The following TLN2 variants were observed in gnomAD, a reference collection of about 807,000 sequenced individuals.
TLN2 encodes the protein talin 2, also known as talin-2.
In TLN2, 118 loss-of-function variants were observed where a neutral mutation model predicts 294.7. That is an observed-to-expected ratio of 0.40 (90% CI 0.34 to 0.47). TLN2 has a LOEUF of 0.47. Ranked by LOEUF, TLN2 falls within the 20% of genes least tolerant of loss-of-function variation. The pLI is 0.84. For missense variants in TLN2, 3,083 were observed against 3,282.2 expected (o/e 0.94, Z 1.48); for synonymous variants, 1,431 against 1,304.5 (o/e 1.10, Z -2.09).
chr15:62,677,314 T>C (rs573631613), intron 11 of TLN2, among the ~76,000 whole-genome samples: 2 of 152,358 alleles, frequency 1.3e-5, no homozygotes, highest in East Asian at 3.8e-4. Context: ...CTTTGAGTAT[T>C]AAATTCATCT....
At chr15:62,748,216 C>T (rs1595870326) in intron 32 of TLN2, 135 bp from the exon 33 acceptor site, 2 of 654,848 alleles carry the variant, frequency 3.1e-6, no homozygotes, top group African/African-American at 3.6e-5. Context: ...TGTGTAGAGC[C>T]TCTGCAGAAG....
intron 1 of TLN2, among the ~76,000 whole-genome samples, chr15:62,402,642 T>C (rs2033112496): frequency 6.6e-6 from 1 of 152,228 alleles, no homozygotes; most frequent in South Asian, 2.1e-4. Flanking sequence ...CTGCATTGTC[T>C]TGCTTTTAAT....
chr15:62,697,629 C>G, intron 14 of TLN2, 59 bp from the exon 15 acceptor site: 2 of 1,536,476 alleles, frequency 1.3e-6, no homozygotes, highest in Middle Eastern at 1.7e-4. Flanking sequence ...TGTGGGGTCT[C>G]CTCATTGCAC....
chr15:62,495,370 G>A (rs569427242), intron 1 of TLN2, among the ~76,000 whole-genome samples: 50 of 152,328 alleles, frequency 3.3e-4, no homozygotes, highest in Non-Finnish European at 5.1e-4. Context: ...TGCCACTAGA[G>A]AGGGGGCAGA....
At chr15:62,779,660 C>T (rs1228550197) in intron 43 of TLN2, among the ~76,000 whole-genome samples, 1 of 152,262 alleles carries the variant, frequency 6.6e-6, no homozygotes, top group African/African-American at 2.4e-5. Context: ...CACATGCAAG[C>T]TCCTAGCATG....
At chr15:62,392,997 CT>C (rs149341642) in intron 1 of TLN2, among the ~76,000 whole-genome samples, 6,184 of 149,094 alleles carry the variant, frequency 0.041, 177 homozygotes, top group Non-Finnish European at 0.066. Context: ...ACACGAATGC[CT>C]TTTTTTTTTC....
chr15:62,734,761 G>A (rs1262032990), intron 28 of TLN2, among the ~76,000 whole-genome samples: 1 of 152,206 alleles, frequency 6.6e-6, no homozygotes, highest in Non-Finnish European at 1.5e-5. Flanking sequence ...TATCCCAGCT[G>A]TGTGATTTAC....
intron 1 of TLN2, among the ~76,000 whole-genome samples, chr15:62,519,292 G>A (rs1262454129): frequency 6.6e-6 from 1 of 152,194 alleles, no homozygotes; most frequent in African/African-American, 2.4e-5. Flanking sequence ...GGGTAGTTAA[G>A]TACCTCTCAC....
chr15:62,755,833 A>T (rs2062213413), intron 37 of TLN2, 140 bp downstream of exon 37: 1 of 1,168,668 alleles, frequency 8.6e-7, no homozygotes, highest in African/African-American at 1.6e-5. Flanking sequence ...TGTGTCACTG[A>T]ATAGGCATCC....
intron 51 of TLN2, among the ~76,000 whole-genome samples, chr15:62,807,055 G>A (rs995321079): frequency 6.6e-6 from 1 of 151,788 alleles, no homozygotes; most frequent in Non-Finnish European, 1.5e-5. Context: ...GGAGAGAAGA[G>A]GGTGTGTTGG....
At chr15:62,738,449 C>T (rs1343867572) in intron 30 of TLN2, 116 bp downstream of exon 30, 6 of 1,267,916 alleles carry the variant, frequency 4.7e-6, no homozygotes, top group Admixed American at 3.2e-5. Context: ...TTTAGGAGTC[C>T]TGTTTTTCCC....
At chr15:62,452,689 C>T (rs559233314) in intron 1 of TLN2, among the ~76,000 whole-genome samples, 2 of 152,176 alleles carry the variant, frequency 1.3e-5, no homozygotes, top group Admixed American at 1.3e-4. Flanking sequence ...TGGAATCATA[C>T]CGCATTTGTT....
chr15:62,452,580 A>T (rs1392804018), intron 1 of TLN2, among the ~76,000 whole-genome samples: 1 of 152,068 alleles, frequency 6.6e-6, no homozygotes, highest in Non-Finnish European at 1.5e-5. Context: ...GTAAAACTGA[A>T]ACTGCCCATT....
intron 45 of TLN2, among the ~76,000 whole-genome samples, chr15:62,790,035 A>C (rs894575112): frequency 6.6e-6 from 1 of 152,190 alleles, no homozygotes; most frequent in Non-Finnish European, 1.5e-5. Flanking sequence ...CTGCTGCTGC[A>C]TCTGCCTTGT....
intron 52 of TLN2, among the ~76,000 whole-genome samples, chr15:62,812,011 C>CAATA (rs59386081): frequency 0.56 from 73,209 of 130,416 alleles, 22,176 homozygotes; most frequent in East Asian, 0.66. Flanking sequence ...GACTCCATCT[C>CAATA]AATAAATAAA....
intron 7 of TLN2, among the ~76,000 whole-genome samples, chr15:62,654,148 A>T (rs184136760): frequency 1.3e-5 from 2 of 152,336 alleles, no homozygotes; most frequent in East Asian, 3.9e-4. Context: ...TCAGTGTGAT[A>T]GTGCATGTCT....
Position 62,717,170 on chromosome 15 carries a change from C to G in TLN2, c.2764-406C>G, listed in dbSNP as rs115068501. Among the ~76,000 whole-genome samples the G allele has an allele frequency of 4.0e-3, 606 of 152,266 alleles. 4 individuals are homozygous for G. The highest frequency in any genetic ancestry group is 0.014 in the African/African-American group (585 of 41,552). The stretch of plus-strand genomic sequence containing the variant: ...TCTCTGCATTTTGGAACTAAGGCTT[C>G]TGAGTGCTGAGAGAGGAGAGTCATG... On this transcript the variant is annotated intron_variant, in intron 23 of 58. Coordinates refer to ENST00000636159, the MANE Select transcript of TLN2 (RefSeq NM_015059.3).
chr15:62,840,376 A>C, intron 58 of TLN2, 106 bp from the exon 59 acceptor site: 1 of 1,482,332 alleles, frequency 6.7e-7, no homozygotes, highest in Non-Finnish European at 9.1e-7. Context: ...GATGTGCTGC[A>C]GTGTCCCACG....
At chr15:62,466,196 C>G (rs16945101) in intron 1 of TLN2, among the ~76,000 whole-genome samples, 1 of 152,074 alleles carries the variant, frequency 6.6e-6, no homozygotes, top group Non-Finnish European at 1.5e-5. Context: ...GCAAAACCTC[C>G]GAAACAGGCC....
Sources: gnomAD v4.1 joint callset for allele counts (sites outside exome capture counted in the v4.1 genomes callset) on GRCh38, gnomAD v4.1.1 for gene constraint, MANE v1.5 for transcripts, NCBI Gene and HGNC (gene_info 2026-07-23, HGNC 2026-07-21) for gene names.